The following ENOX1 variants were observed in gnomAD, a reference collection of about 807,000 sequenced individuals.
The protein encoded by ENOX1 is ecto-NOX disulfide-thiol exchanger 1, also known as candidate growth-related and time keeping constitutive hydroquinone (NADH) oxidase.
Under a neutral mutation model 82.5 loss-of-function variants are expected in ENOX1, and 42 were observed. That is an observed-to-expected ratio of 0.51 (90% CI 0.40 to 0.66). The LOEUF (loss-of-function observed/expected upper bound fraction) is 0.66, where lower values mean the gene tolerates loss of function less well. Among genes scored for constraint, ENOX1 ranks in the 30% least tolerant of loss-of-function variants. The pLI is 0.00. For missense variants in ENOX1, 608 were observed against 811.6 expected (o/e 0.75, Z 3.05); for synonymous variants, 271 against 282.2 (o/e 0.96, Z 0.40).
At chr13:43,446,392 C>T (rs1321662901) in intron 3 of ENOX1, among the ~76,000 whole-genome samples, 1 of 152,012 alleles carries the variant, frequency 6.6e-6, no homozygotes, top group Non-Finnish European at 1.5e-5. Flanking sequence ...TTGCTCAGAG[C>T]TTTGTGGCCC....
chr13:43,601,598 G>C (rs1005601265), intron 2 of ENOX1, among the ~76,000 whole-genome samples: 4 of 152,100 alleles, frequency 2.6e-5, no homozygotes, highest in Admixed American at 2.6e-4. Context: ...CCTTAAAGAA[G>C]AGGTAGAGAG....
intron 1 of ENOX1, among the ~76,000 whole-genome samples, chr13:43,705,305 A>ACTCTCTCT (rs33978402): frequency 6.8e-5 from 9 of 132,650 alleles, no homozygotes; most frequent in East Asian, 2.1e-4. Flanking sequence ...ACAAACAACA[A>ACTCTCTCT]CTCTCTCTCT....
chr13:43,653,619 T>C (rs1361616408), intron 2 of ENOX1, among the ~76,000 whole-genome samples: 2 of 152,248 alleles, frequency 1.3e-5, no homozygotes, highest in East Asian at 3.9e-4. Context: ...CAAAAGACAG[T>C]AAATTCTAAC....
At chr13:43,343,966 TA>T (rs1035508705) in intron 9 of ENOX1, among the ~76,000 whole-genome samples, 3 of 149,388 alleles carry the variant, frequency 2.0e-5, no homozygotes, top group South Asian at 4.3e-4. Context: ...ACTCTGGACA[TA>T]AAAAAAAAAT....
At chr13:43,464,998 C>T (rs971082528) in intron 3 of ENOX1, among the ~76,000 whole-genome samples, 4 of 152,164 alleles carry the variant, frequency 2.6e-5, no homozygotes, top group Non-Finnish European at 4.4e-5. Flanking sequence ...AAGAATATCA[C>T]CGAGGTAAGG....
chr13:43,548,525 T>C (rs770953015), intron 2 of ENOX1, among the ~76,000 whole-genome samples: 1 of 152,238 alleles, frequency 6.6e-6, no homozygotes, highest in African/African-American at 2.4e-5. Context: ...AAAATGACTA[T>C]CAGGACTTCC....
intron 15 of ENOX1, among the ~76,000 whole-genome samples, chr13:43,230,238 T>A (rs1421705260): frequency 1.3e-5 from 2 of 152,068 alleles, no homozygotes; most frequent in African/African-American, 4.8e-5. Context: ...GAGAAATTGG[T>A]GACATAAAAT....
intron 1 of ENOX1, among the ~76,000 whole-genome samples, chr13:43,725,937 A>G (rs2088919268): frequency 6.6e-6 from 1 of 152,072 alleles, no homozygotes; most frequent in Admixed American, 6.5e-5. Flanking sequence ...ACTGCACTCC[A>G]GCCTGGACAA....
At chr13:43,581,924 C>T (rs779324235) in intron 2 of ENOX1, among the ~76,000 whole-genome samples, 5 of 152,146 alleles carry the variant, frequency 3.3e-5, no homozygotes, top group Non-Finnish European at 7.3e-5. Flanking sequence ...AATAACCTAA[C>T]TAAAATGGTA....
chr13:43,377,443 T>C (rs912866473), intron 5 of ENOX1, among the ~76,000 whole-genome samples: 1 of 152,240 alleles, frequency 6.6e-6, no homozygotes, highest in Non-Finnish European at 1.5e-5. Flanking sequence ...TACTCTGTTA[T>C]AGCAGCATAA....
chr13:43,580,888 T>A (rs1270924317), intron 2 of ENOX1, among the ~76,000 whole-genome samples: 1 of 152,202 alleles, frequency 6.6e-6, no homozygotes, highest in Admixed American at 6.5e-5. Context: ...ATTTAGTAAG[T>A]CATATTTAAA....
chr13:43,421,872 T>C (rs2153607270), intron 3 of ENOX1, among the ~76,000 whole-genome samples: 1 of 148,490 alleles, frequency 6.7e-6, no homozygotes, highest in Non-Finnish European at 1.5e-5. Context: ...TATTTTACGT[T>C]TTATATAAAA....
At position 43,775,845 on chromosome 13, in the gene ENOX1, C is replaced by A. The variant is rs1379198000; in HGVS notation, c.-285+10807G>T. ...CCACCCCTAAGGAATTCAAGTTGCT[C>A]TTTTGTGCCTCCTTCCTTAAGGCAG... On this transcript the variant is annotated intron_variant, in intron 1 of 16. Coordinates refer to ENST00000690772, the MANE Select transcript of ENOX1 (RefSeq NM_001347969.2). 7.2e-5 allele frequency among the ~76,000 whole-genome samples: 11 copies of A among 152,182 alleles called. 1 individual carries two copies. Among genetic ancestry groups the A allele is most frequent in the Admixed American group, 7.2e-4 (11 of 15,288 alleles).
chr13:43,432,521 T>G (rs906139853), intron 3 of ENOX1, among the ~76,000 whole-genome samples: 1 of 152,144 alleles, frequency 6.6e-6, no homozygotes, highest in African/African-American at 2.4e-5. Context: ...CGCATGTTTG[T>G]AATCCCAGCT....
intron 3 of ENOX1, among the ~76,000 whole-genome samples, chr13:43,431,298 T>G (rs1370337108): frequency 6.6e-6 from 1 of 152,178 alleles, no homozygotes; most frequent in African/African-American, 2.4e-5. Flanking sequence ...GCTTTTACTC[T>G]TCCTTGAGCC....
At chr13:43,759,357 C>T (rs1471857214) in intron 1 of ENOX1, among the ~76,000 whole-genome samples, 1 of 152,124 alleles carries the variant, frequency 6.6e-6, no homozygotes, top group Non-Finnish European at 1.5e-5. Context: ...CTCAGCCTCC[C>T]AAAGTTCTGG....
intron 3 of ENOX1, among the ~76,000 whole-genome samples, chr13:43,460,810 A>AGGG (rs2057443809): frequency 1.0e-5 from 1 of 99,306 alleles, no homozygotes; most frequent in Admixed American, 1.5e-4. Context: ...AAAAAAAAAA[A>AGGG]AAAAAAAAAA....
At chr13:43,635,419 T>C (rs1329946515) in intron 2 of ENOX1, among the ~76,000 whole-genome samples, 1 of 152,224 alleles carries the variant, frequency 6.6e-6, no homozygotes, top group Non-Finnish European at 1.5e-5. Flanking sequence ...GCCACAATTG[T>C]ATTAATTACT....
chr13:43,380,104 T>A (rs2051927434), intron 5 of ENOX1, among the ~76,000 whole-genome samples: 1 of 151,864 alleles, frequency 6.6e-6, no homozygotes, highest in African/African-American at 2.4e-5. Flanking sequence ...AAAAACTTTT[T>A]CTGACATAAT....
Sources: allele counts gnomAD v4.1 joint callset (sites outside exome capture counted in the v4.1 genomes callset), GRCh38; gene constraint gnomAD v4.1.1; transcripts MANE v1.5; gene names NCBI Gene and HGNC (gene_info 2026-07-23, HGNC 2026-07-21).